SGF29: variants seen among roughly 807,000 people sequenced by gnomAD.
The protein encoded by SGF29 is SAGA-associated factor 29.
Under a neutral mutation model 38.1 loss-of-function variants are expected in SGF29, and 15 were observed. The observed-to-expected ratio is 0.39, with a 90% CI of 0.26 to 0.61. The LOEUF (loss-of-function observed/expected upper bound fraction) is 0.61. SGF29 is among the 20% of genes least tolerant of loss of function. The probability of loss-of-function intolerance (pLI) is 0.49; values close to 1 mark genes in which losing one functional copy is unlikely to be tolerated. For synonymous variants in SGF29, 151 were observed against 160.8 expected (o/e 0.94, Z 0.46); for missense variants, 184 against 394.6 (o/e 0.47, Z 4.52).
At chr16:28,589,343 AG>A (rs1429880468) in intron 5 of SGF29, 179 bp downstream of exon 5, 3 of 606,182 alleles carry the variant, frequency 4.9e-6, no homozygotes, top group Non-Finnish European at 8.8e-6. Context: ...CAGTGCCCAG[AG>A]GCAGGGGTTT....
chr16:28,555,948 C>A (rs893337510), intron 1 of SGF29, among the ~76,000 whole-genome samples: 5 of 152,174 alleles, frequency 3.3e-5, no homozygotes, highest in Non-Finnish European at 7.3e-5. Flanking sequence ...GAACTTGCAG[C>A]CTTGCAGCCC....
At chr16:28,564,765 A>ATACATATATATG (rs1156634636) in intron 1 of SGF29, among the ~76,000 whole-genome samples, 2 of 58,806 alleles carry the variant, frequency 3.4e-5, no homozygotes, top group African/African-American at 1.4e-4. Flanking sequence ...GTATATATGT[A>ATACATATATATG]TATATATGTA....
chr16:28,565,529 G>A (rs778422949), intron 1 of SGF29, among the ~76,000 whole-genome samples: 5 of 151,928 alleles, frequency 3.3e-5, no homozygotes, highest in African/African-American at 9.7e-5. Flanking sequence ...ACGGAGTCTC[G>A]CTCTGTCACC....
Position 28,564,777 on chromosome 16 carries a change from A to ATATATG in SGF29, c.-16+10685_-16+10686insGTATAT, listed in dbSNP as rs1555474943. On this transcript the variant is annotated intron_variant, in intron 1 of 9. Transcript: ENST00000317058. ...TATGTATATATGTATATATATGTAT[A>ATATATG]TATATATATACACACACACACACAC... Among the ~76,000 whole-genome samples the ATATATG allele has an allele frequency of 1.4e-3, 120 of 87,014 alleles. 6 individuals carry two copies. Among genetic ancestry groups the ATATATG allele is most frequent in the Non-Finnish European group, 1.9e-3 (80 of 41,466 alleles). 57.1% of individuals were successfully genotyped at this position (87,014 alleles called of 152,430 possible).
At chr16:28,554,255 T>C (rs913587431) in intron 1 of SGF29, 158 bp downstream of exon 1, 1 of 14,920 alleles carries the variant, frequency 6.7e-5, no homozygotes, top group Admixed American at 4.7e-4. Context: ...CTCGTGGGGG[T>C]GGGGGCGGGA....
At chr16:28,581,204 A>T in intron 2 of SGF29, 60 bp downstream of exon 2, 7 of 1,491,616 alleles carry the variant, frequency 4.7e-6, no homozygotes, top group Non-Finnish European at 6.5e-6. Flanking sequence ...CTGAGCCGTG[A>T]AGTGGGGGTG....
At chr16:28,582,522 G>A (rs1451248962) in intron 2 of SGF29, among the ~76,000 whole-genome samples, 1 of 152,182 alleles carries the variant, frequency 6.6e-6, no homozygotes, top group Non-Finnish European at 1.5e-5. Context: ...AATGCAAGAT[G>A]TTAACAATAG....
intron 2 of SGF29, among the ~76,000 whole-genome samples, chr16:28,582,401 G>A (rs547466287): frequency 2.6e-5 from 4 of 152,250 alleles, no homozygotes; most frequent in South Asian, 4.1e-4. Flanking sequence ...AACATGATGC[G>A]TTGTCCAAAC....
At chr16:28,567,395 A>T (rs1165370588) in intron 1 of SGF29, among the ~76,000 whole-genome samples, 1 of 152,208 alleles carries the variant, frequency 6.6e-6, no homozygotes, top group African/African-American at 2.4e-5. Flanking sequence ...ATGATCATGG[A>T]CTTCCTAGCC....
chr16:28,578,921 G>A (rs1312504673), intron 1 of SGF29, among the ~76,000 whole-genome samples: 1 of 152,000 alleles, frequency 6.6e-6, no homozygotes, highest in Non-Finnish European at 1.5e-5. Context: ...TAGCCTGGGC[G>A]ACAGAGCAAG....
chr16:28,577,283 T>C (rs2046899982), intron 1 of SGF29, among the ~76,000 whole-genome samples: 1 of 152,098 alleles, frequency 6.6e-6, no homozygotes, highest in Admixed American at 6.6e-5. Context: ...GTGCAATTCA[T>C]TGGTTTTTAG....
intron 9 of SGF29, among the ~76,000 whole-genome samples, 166 bp from the exon 10 acceptor site, chr16:28,591,424 G>A (rs191296610): frequency 1.3e-5 from 2 of 152,224 alleles, no homozygotes; most frequent in Non-Finnish European, 2.9e-5. Context: ...AAAGAGCTCT[G>A]TAGCAGCAGG....
chr16:28,579,284 A>C (rs1416069415), intron 1 of SGF29, among the ~76,000 whole-genome samples: 2 of 122,188 alleles, frequency 1.6e-5, no homozygotes, highest in Admixed American at 2.0e-4. Flanking sequence ...TTTGAGACGG[A>C]GTCTCACTCT....
chr16:28,590,386 T>C lies in SGF29; in HGVS notation c.510T>C (p.Asp170=), dbSNP rs143970702. 5 of 1,613,704 alleles carry C rather than the reference T, an allele frequency of 3.1e-6. No individual in the cohort carries two copies. In the African/African-American group the frequency reaches 6.7e-5, roughly 22 times the overall value. The part of the protein sequence containing the change: ...DKVAARVKAV[D]GDEQWILAEV... ...TGGCTGCCCGGGTGAAGGCCGTGGA[T>C]GGGGACGAGCAGTGGATCCTGGCCG... The change falls in exon 7 of 10, where the codon GAT becomes GAC. Residue 170 remains aspartate (D), a synonymous_variant. Transcript: ENST00000317058. The surrounding 1 kb of genome is among the most constrained non-coding windows in gnomAD (Gnocchi z 8.2).
At chr16:28,573,265 C>T (rs1212728707) in intron 1 of SGF29, among the ~76,000 whole-genome samples, 2 of 152,084 alleles carry the variant, frequency 1.3e-5, no homozygotes, top group Non-Finnish European at 2.9e-5. Flanking sequence ...AGAGGAGGAG[C>T]TGGAGGTGGG....
chr16:28,556,977 G>C (rs1438021227), intron 1 of SGF29, among the ~76,000 whole-genome samples: 2 of 152,148 alleles, frequency 1.3e-5, no homozygotes, highest in African/African-American at 4.8e-5. Flanking sequence ...TGACTGGGTT[G>C]AGAGTGTGGG....
At chr16:28,577,782 A>G (rs759972984) in intron 1 of SGF29, among the ~76,000 whole-genome samples, 9 of 152,176 alleles carry the variant, frequency 5.9e-5, no homozygotes, top group Non-Finnish European at 1.3e-4. Context: ...AGAACTGTCT[A>G]TTCAGATCAT....
chr16:28,571,887 G>T (rs2046867092), intron 1 of SGF29, among the ~76,000 whole-genome samples: 1 of 152,226 alleles, frequency 6.6e-6, no homozygotes, highest in East Asian at 1.9e-4. Flanking sequence ...TGAAAGCAGA[G>T]ATTTCCGTTC....
chr16:28,589,258 A>C, intron 5 of SGF29, 94 bp downstream of exon 5: 4 of 1,275,282 alleles, frequency 3.1e-6, no homozygotes, highest in South Asian at 2.4e-5. Flanking sequence ...GCCTGTGGCC[A>C]CCACCTGCTG....
Sources: gnomAD v4.1 joint callset for allele counts (sites outside exome capture counted in the v4.1 genomes callset) on GRCh38, gnomAD v4.1.1 for gene constraint, Gnocchi (gnomAD v3.1) non-coding constraint, MANE v1.5 for transcripts, NCBI Gene and HGNC (gene_info 2026-07-23, HGNC 2026-07-21) for gene names.